The following CCDC3 variants were observed in gnomAD, a reference collection of about 807,000 sequenced individuals.
CCDC3 encodes coiled-coil domain containing 3.
A neutral mutation model predicts 21.4 loss-of-function variants in CCDC3; 24 were observed. The observed-to-expected ratio is 1.12, with a 90% CI of 0.81 to 1.58. The LOEUF is 1.58. CCDC3 is among the 40% of genes most tolerant of loss of function. CCDC3 has a pLI of 0.00. For synonymous variants in CCDC3, 186 were observed against 166.0 expected, an observed-to-expected ratio of 1.12 and a Z score of -0.93; for missense variants, 425 against 360.9, an observed-to-expected ratio of 1.18 and a Z score of -1.44.
In CCDC3 at chr10:13,056,259, A is replaced by G. The variant is rs181204398; in HGVS notation, c.-269-6318T>C. On this transcript the variant is annotated intron_variant, in intron 4 of 6. Coordinates refer to the CCDC3 transcript ENST00000378839. ...CTCCAAGGTCAATTTGGGCACTGAC[A>G]TCAGCTAGTGGAGGGCAAAGAGCGT... Among the ~76,000 whole-genome samples the G allele has an allele frequency of 5.3e-3, 808 of 152,318 alleles. 5 individuals are homozygous for G. Among genetic ancestry groups the G allele is most frequent in the Non-Finnish European group, 8.0e-3 (542 of 68,026 alleles).
intron 3 of CCDC3, among the ~76,000 whole-genome samples, chr10:13,078,753 C>T (rs962114180): frequency 4.3e-4 from 65 of 152,006 alleles, no homozygotes; most frequent in Non-Finnish European, 7.9e-4. Flanking sequence ...AGCAAACCAT[C>T]GCAAGGACAG....
At position 12,956,463 on chromosome 10, in the gene CCDC3, C is replaced by T. The variant is rs868511315; in HGVS notation, c.549+41875G>A. On this transcript the variant is annotated intron_variant, in intron 2 of 2. Coordinates refer to ENST00000378825, the MANE Select transcript of CCDC3 (RefSeq NM_031455.4). Reference sequence around the variant, plus strand: ...TGCTCCCTGCTCCCTTCTTCCTACCCATGGGACCTCGATTTTGTTCACCCT... The same window carrying T: ...TGCTCCCTGCTCCCTTCTTCCTACCTATGGGACCTCGATTTTGTTCACCCT... Among the ~76,000 whole-genome samples the T allele has an allele frequency of 2.0e-5, 3 of 152,200 alleles. No homozygotes were observed. The South Asian group carries it at 6.2e-4, about 32-fold the overall frequency.
intron 5 of CCDC3, among the ~76,000 whole-genome samples, chr10:13,040,687 T>TCACACACACACA (rs10653974): frequency 0.015 from 2,167 of 142,774 alleles, 50 homozygotes; most frequent in African/African-American, 0.046. Flanking sequence ...CAAAACTCTG[T>TCACACACACACA]CACACACACA....
At chr10:13,046,186 G>A (rs542968023) in intron 5 of CCDC3, among the ~76,000 whole-genome samples, 1 of 152,180 alleles carries the variant, frequency 6.6e-6, no homozygotes, top group East Asian at 1.9e-4. Context: ...CAGGAGGATT[G>A]CTTCAGCCCA....
intron 1 of CCDC3, among the ~76,000 whole-genome samples, chr10:13,000,498 T>C (rs1252520853): frequency 6.6e-6 from 1 of 152,088 alleles, no homozygotes; most frequent in Non-Finnish European, 1.5e-5. Context: ...CCTCAAAGCA[T>C]TGCTACCCAG....
At chr10:12,978,179 T>C (rs1335060892) in intron 2 of CCDC3, among the ~76,000 whole-genome samples, 1 of 152,124 alleles carries the variant, frequency 6.6e-6, no homozygotes, top group Non-Finnish European at 1.5e-5. Context: ...CCACCACACC[T>C]GGCTAAGTTT....
chr10:12,958,241 G>A (rs1283749540), intron 2 of CCDC3, among the ~76,000 whole-genome samples: 2 of 152,100 alleles, frequency 1.3e-5, no homozygotes, highest in African/African-American at 4.8e-5. Flanking sequence ...AACAACCCAA[G>A]ACCATGAAGA....
At position 12,916,861 on chromosome 10, in the gene CCDC3, C is replaced by T. The variant is rs528690058; in HGVS notation, c.550-18182G>A. Among the ~76,000 whole-genome samples the T allele has an allele frequency of 5.3e-5, 8 of 152,280 alleles. No individual in the cohort carries two copies. The East Asian group carries it at 1.4e-3, about 26-fold the overall frequency. On this transcript the variant is annotated intron_variant, in intron 2 of 2. Coordinates refer to ENST00000378825, the MANE Select transcript of CCDC3 (RefSeq NM_031455.4). ...GTCTGGTGCTGGGGTGGATCTGAAG[C>T]CTGGAGCTATGAGAGCCATCTAAGT... is the stretch of plus-strand genomic sequence containing the variant.
chr10:13,098,334 G>C (rs1352478829), intron 3 of CCDC3, among the ~76,000 whole-genome samples: 1 of 152,032 alleles, frequency 6.6e-6, no homozygotes, highest in African/African-American at 2.4e-5. Flanking sequence ...GTTTTTGCTT[G>C]AGACAAAGTC....
At chr10:12,915,987 C>T (rs567771284) in intron 2 of CCDC3, among the ~76,000 whole-genome samples, 2 of 152,092 alleles carry the variant, frequency 1.3e-5, no homozygotes, top group East Asian at 3.9e-4. Flanking sequence ...TAGTCTGGAG[C>T]CTGGGTTCAC....
At chr10:13,001,012 G>T (rs1259116464) in intron 1 of CCDC3, among the ~76,000 whole-genome samples, 185 bp downstream of exon 1, 2 of 152,186 alleles carry the variant, frequency 1.3e-5, no homozygotes, top group African/African-American at 4.8e-5. Context: ...GGGTAGTCAG[G>T]ATGTCTGTAG....
rs1469357405 is a variant in CCDC3 at position 13,001,510 on chromosome 10, C to A, written c.61G>T (p.Ala21Ser). 1.5e-6 allele frequency: 2 copies of A among 1,324,838 alleles called. No homozygotes were observed. Among genetic ancestry groups the A allele is most frequent in the Non-Finnish European group, 9.6e-7 (1 of 1,039,954 alleles). 82.1% of individuals were successfully genotyped at this position (1,324,838 alleles called of 1,614,324 possible). ...CLAGPPAPAR[A>S]CQLPSEWRPL... ...CTCCACTCGGAGGGCAGCTGGCAGG[C>A]GCGCGCGGGCGCTGGGGGACCCGCC... The change falls in exon 1 of 3, where the codon GCC (alanine) becomes TCC (serine). Residue 21 changes from alanine to serine, a missense_variant. Coordinates refer to ENST00000378825, the MANE Select transcript of CCDC3 (RefSeq NM_031455.4).
At chr10:12,921,570 C>T (rs1834450795) in intron 2 of CCDC3, among the ~76,000 whole-genome samples, 1 of 152,230 alleles carries the variant, frequency 6.6e-6, no homozygotes, top group African/African-American at 2.4e-5. Context: ...GCAAAATATA[C>T]ATAACATAAA....
chr10:12,909,448 A>G (rs188856346), intron 2 of CCDC3, among the ~76,000 whole-genome samples: 1 of 152,288 alleles, frequency 6.6e-6, no homozygotes, highest in East Asian at 1.9e-4. Flanking sequence ...TGCCCTGCCC[A>G]TGGAGTGTGG....
chr10:12,902,120 G>A (rs1834102230), intron 2 of CCDC3, among the ~76,000 whole-genome samples: 1 of 152,234 alleles, frequency 6.6e-6, no homozygotes. Context: ...CAAGTCACAA[G>A]CTCCTGAAGG....
intron 3 of CCDC3, among the ~76,000 whole-genome samples, chr10:13,077,472 C>G (rs926868934): frequency 2.6e-5 from 4 of 152,184 alleles, no homozygotes; most frequent in Admixed American, 6.5e-5. Flanking sequence ...CCCCATTAAG[C>G]TACCAATGAC....
intron 2 of CCDC3, among the ~76,000 whole-genome samples, chr10:12,989,018 A>C (rs1835641195): frequency 1.3e-5 from 2 of 152,188 alleles, no homozygotes; most frequent in South Asian, 4.2e-4. Flanking sequence ...AAAACAGTAT[A>C]TGCTTAGTCA....
At chr10:13,075,309 T>G (rs1014900515) in intron 3 of CCDC3, among the ~76,000 whole-genome samples, 14 of 152,248 alleles carry the variant, frequency 9.2e-5, no homozygotes, top group African/African-American at 3.4e-4. Context: ...GCATAGTGAC[T>G]GGCACATGTA....
intron 4 of CCDC3, among the ~76,000 whole-genome samples, chr10:13,071,886 G>GAT (rs1836886512): frequency 6.6e-6 from 1 of 151,874 alleles, no homozygotes; most frequent in Non-Finnish European, 1.5e-5. Context: ...TCTCTTCAGT[G>GAT]ATATATAATG....
Sources: gnomAD v4.1 joint callset for allele counts (sites outside exome capture counted in the v4.1 genomes callset) on GRCh38, gnomAD v4.1.1 for gene constraint, MANE v1.5 for transcripts, NCBI Gene and HGNC (gene_info 2026-07-23, HGNC 2026-07-21) for gene names.